Variants in CTNNA2 observed in about 807,000 individuals in gnomAD.
CTNNA2 encodes catenin alpha 2.
In CTNNA2, 42 loss-of-function variants were observed where a neutral mutation model predicts 101.0. The observed-to-expected ratio is 0.42, with a 90% confidence interval of 0.32 to 0.54. The LOEUF (loss-of-function observed/expected upper bound fraction) is 0.54. CTNNA2 is among the 20% of genes least tolerant of loss of function. The pLI, the probability that CTNNA2 is intolerant of heterozygous loss-of-function variation, is 0.14. For synonymous variants in CTNNA2, 450 were observed against 456.4 expected, an observed-to-expected ratio of 0.99 and a Z score of 0.18; for missense variants, 871 against 1,223.1, an observed-to-expected ratio of 0.71 and a Z score of 4.29.
At chr2:79,509,005 AT>A (rs1671477950), upstream of CTNNA2, among the ~76,000 whole-genome samples, 1 of 68,834 alleles carries the variant, frequency 1.5e-5, no homozygotes, top group South Asian at 4.0e-4. Context: ...ATATATATAT[AT>A]ATATATAAAC....
At chr2:79,188,853 G>C (rs1382122629) in intron 1 of CTNNA2, among the ~76,000 whole-genome samples, 1 of 152,136 alleles carries the variant, frequency 6.6e-6, no homozygotes, top group Non-Finnish European at 1.5e-5. Context: ...AGCTCTGTCA[G>C]TCAAAATTAC....
chr2:80,308,084 C>A (rs566846142), intron 7 of CTNNA2, among the ~76,000 whole-genome samples: 1 of 152,150 alleles, frequency 6.6e-6, no homozygotes, highest in East Asian at 1.9e-4. Flanking sequence ...TGTAAATTAG[C>A]CTTTGCCTAA....
chr2:79,703,618 C>T (rs914463101), intron 2 of CTNNA2, among the ~76,000 whole-genome samples: 1 of 152,142 alleles, frequency 6.6e-6, no homozygotes, highest in Non-Finnish European at 1.5e-5. Context: ...GTCAATCCTG[C>T]TGTGTTAATT....
intron 2 of CTNNA2, among the ~76,000 whole-genome samples, chr2:79,698,154 T>G (rs2104739895): frequency 6.6e-6 from 1 of 152,146 alleles, no homozygotes; most frequent in Admixed American, 6.6e-5. Context: ...TAAGCACTAC[T>G]TTTTTTACAT....
Position 80,384,177 on chromosome 2 carries a change from T to G in CTNNA2, c.1057-9034T>G, listed in dbSNP as rs551066296. ...TTGAGGTCTACTTGAGGGTGGAGGG[T>G]GGGAGGAAGGAGAGGATCCGAAAAA... On this transcript the variant is annotated intron_variant, in intron 7 of 18. Coordinates refer to ENST00000402739, the MANE Select transcript of CTNNA2 (RefSeq NM_001282597.3). 1.2e-4 allele frequency among the ~76,000 whole-genome samples: 18 copies of G among 151,702 alleles called. 1 individual carries two copies. In the South Asian group the frequency reaches 3.5e-3, roughly 30 times the overall value.
intron 1 of CTNNA2, among the ~76,000 whole-genome samples, chr2:79,549,518 G>A (rs1176619954): frequency 6.6e-6 from 1 of 152,084 alleles, no homozygotes; most frequent in Non-Finnish European, 1.5e-5. Flanking sequence ...CAGATTATAA[G>A]TATATACTCT....
At chr2:80,066,018 C>A (rs560522012) in intron 7 of CTNNA2, among the ~76,000 whole-genome samples, 1 of 152,306 alleles carries the variant, frequency 6.6e-6, no homozygotes, top group East Asian at 1.9e-4. Context: ...GTGACTAGTA[C>A]TCCCACTACA....
intron 17 of CTNNA2, among the ~76,000 whole-genome samples, chr2:80,610,552 C>T (rs529006163): frequency 9.6e-4 from 146 of 151,686 alleles, no homozygotes; most frequent in South Asian, 8.7e-3. Flanking sequence ...TTCAAAGCCA[C>T]GGCTTCTCTG....
At chr2:79,914,931 C>T (rs1480930113) in intron 7 of CTNNA2, among the ~76,000 whole-genome samples, 1 of 151,560 alleles carries the variant, frequency 6.6e-6, no homozygotes, top group Admixed American at 6.6e-5. Context: ...TTGTCATAGC[C>T]TTTGTTAGAG....
intron 1 of CTNNA2, among the ~76,000 whole-genome samples, chr2:79,611,664 G>A (rs889038271): frequency 6.6e-6 from 1 of 152,114 alleles, no homozygotes; most frequent in African/African-American, 2.4e-5. Context: ...TAGTTCTGAG[G>A]CAGGGATGTT....
chr2:80,078,078 G>A (rs181112549), intron 7 of CTNNA2, among the ~76,000 whole-genome samples: 92 of 152,182 alleles, frequency 6.0e-4, no homozygotes, highest in Middle Eastern at 6.8e-3. Context: ...GAATCTATCC[G>A]GTGTTTATTT....
intron 2 of CTNNA2, among the ~76,000 whole-genome samples, chr2:79,235,978 G>A (rs1357389571): frequency 6.6e-6 from 1 of 152,186 alleles, no homozygotes; most frequent in Non-Finnish European, 1.5e-5. Flanking sequence ...TTGGCTGGAA[G>A]CTCTAGCAGG....
At chr2:79,350,172 C>T (rs559677366) in intron 3 of CTNNA2, among the ~76,000 whole-genome samples, 1 of 149,956 alleles carries the variant, frequency 6.7e-6, no homozygotes, top group Admixed American at 6.7e-5. Context: ...ACATGTGGAG[C>T]TTTGTTAAAT....
intron 4 of CTNNA2, among the ~76,000 whole-genome samples, chr2:79,474,804 G>T (rs1671034584): frequency 6.6e-6 from 1 of 152,106 alleles, no homozygotes; most frequent in Admixed American, 6.6e-5. Context: ...TGCTGATCTA[G>T]ATATTCATTT....
intron 7 of CTNNA2, among the ~76,000 whole-genome samples, chr2:80,317,424 A>G (rs1307375396): frequency 1.3e-5 from 2 of 152,130 alleles, no homozygotes; most frequent in Non-Finnish European, 2.9e-5. Flanking sequence ...AACTTAAGCT[A>G]CGTGCCTTAA....
chr2:80,626,946 T>C (rs887049241), intron 18 of CTNNA2, among the ~76,000 whole-genome samples: 6 of 151,988 alleles, frequency 3.9e-5, no homozygotes, highest in South Asian at 2.1e-4. Flanking sequence ...CTCCCACTTA[T>C]GGTGAGAATG....
chr2:80,336,634 G>A (rs1187699311), intron 7 of CTNNA2, among the ~76,000 whole-genome samples: 4 of 152,226 alleles, frequency 2.6e-5, no homozygotes, highest in African/African-American at 4.8e-5. Context: ...AGTACTTTGA[G>A]TTTTCCATTT....
At chr2:79,324,514 A>G (rs901997935) in intron 3 of CTNNA2, among the ~76,000 whole-genome samples, 1 of 152,330 alleles carries the variant, frequency 6.6e-6, no homozygotes, top group African/African-American at 2.4e-5. Flanking sequence ...CCAGTACTTC[A>G]AAACAGGCTA....
intron 1 of CTNNA2, among the ~76,000 whole-genome samples, chr2:79,631,765 A>G (rs1338417375): frequency 1.3e-5 from 2 of 152,200 alleles, no homozygotes; most frequent in Non-Finnish European, 2.9e-5. Context: ...CTGAAGTGCC[A>G]TTTGATTATT....
Sources: gnomAD v4.1 joint callset for allele counts (sites outside exome capture counted in the v4.1 genomes callset) on GRCh38, gnomAD v4.1.1 for gene constraint, MANE v1.5 for transcripts, NCBI Gene and HGNC (gene_info 2026-07-23, HGNC 2026-07-21) for gene names.